GHRHR: variants seen among roughly 807,000 people sequenced by gnomAD.
The protein encoded by GHRHR is growth hormone-releasing hormone receptor.
Under a neutral mutation model 58.3 loss-of-function variants are expected in GHRHR, and 40 were observed. The ratio of observed to expected loss-of-function variants is 0.69; its 90% CI spans 0.53 to 0.89. The LOEUF (loss-of-function observed/expected upper bound fraction) is 0.89. Among genes scored for constraint, GHRHR ranks in the 40% least tolerant of loss-of-function variants. The probability of loss-of-function intolerance (pLI) is 0.00; values close to 1 mark genes in which losing one functional copy is unlikely to be tolerated. For missense variants in GHRHR, 551 were observed against 541.3 expected (o/e 1.02, Z -0.18); for synonymous variants, 249 against 216.6 (o/e 1.15, Z -1.31).
Position 30,971,979 on chromosome 7 carries a change from C to G in GHRHR, c.481C>G (p.Arg161Gly), listed in dbSNP as rs758798716. The G allele has an allele frequency of 6.2e-7, 1 of 1,613,920 alleles. No individual in the cohort carries two copies. Among genetic ancestry groups the G allele is most frequent in the East Asian group, 2.2e-5 (1 of 44,862 alleles). Residue 161 changes from arginine to glycine, a missense_variant, in exon 6 of 13, where the codon CGG becomes GGG. Arg to Gly is a moderately radical substitution (Grantham distance 125, BLOSUM62 -2). Coordinates refer to ENST00000326139, the MANE Select transcript of GHRHR (RefSeq NM_000823.4). ...TACCCCCAGGAGGCTCCACTGCCCCCGGAACTACGTCCACACCCAGCTGTT... is the reference window on the plus strand; with the variant it reads ...TACCCCCAGGAGGCTCCACTGCCCCGGGAACTACGTCCACACCCAGCTGTT... ...LVALRRLHCPRNYVHTQLFTT... is the reference protein window; with the variant it reads ...LVALRRLHCPGNYVHTQLFTT...
rs749923270 is a variant in GHRHR, at chr7:30,971,951, C to T, written c.465-12C>T. On this transcript the variant is annotated splice_polypyrimidine_tract_variant and intron_variant, in intron 5 of 12. Coordinates refer to ENST00000326139, the MANE Select transcript of GHRHR (RefSeq NM_000823.4). ...CTTGCTTCTTGTTCCTCATTTCTCC[C>T]ATTACCCCCAGGAGGCTCCACTGCC... 6.2e-7 allele frequency: 1 copy of T among 1,613,528 alleles called. No homozygotes were observed. The highest frequency in any genetic ancestry group is 1.7e-5 in the Admixed American group (1 of 60,014).
intron 1 of GHRHR, among the ~76,000 whole-genome samples, chr7:30,965,182 CCT>C (rs1282602079): frequency 6.6e-6 from 1 of 152,168 alleles, no homozygotes; most frequent in East Asian, 1.9e-4. Context: ...CGACTGCCCC[CCT>C]GTCTGCCATC....
At chr7:30,978,582 C>T (rs1792630050) in intron 12 of GHRHR, among the ~76,000 whole-genome samples, 1 of 152,186 alleles carries the variant, frequency 6.6e-6, no homozygotes, top group African/African-American at 2.4e-5. Flanking sequence ...CTGAAAGCCC[C>T]TTGGAGATGT....
At chr7:30,970,415 C>T (rs928582488) in intron 4 of GHRHR, among the ~76,000 whole-genome samples, 12 of 152,190 alleles carry the variant, frequency 7.9e-5, no homozygotes, top group East Asian at 3.9e-4. Flanking sequence ...GCCAGCACAC[C>T]GCACACTTGT....
intron 4 of GHRHR, 39 bp downstream of exon 4, chr7:30,970,003 G>A: frequency 3.4e-6 from 3 of 871,002 alleles, no homozygotes; most frequent in Middle Eastern, 4.3e-4. Context: ...GGACTGCCAT[G>A]GACATTTGTA....
chr7:30,970,876 A>T lies in GHRHR; in HGVS notation c.367-243A>T, dbSNP rs868867254. 10 of 573,132 alleles carry T rather than the reference A, an allele frequency of 1.7e-5. No individual in the cohort carries two copies. The African/African-American group carries it at 1.9e-4, about 11-fold the overall frequency. 35.5% of individuals were successfully genotyped at this position (573,132 alleles called of 1,614,324 possible). A position where few individuals can be genotyped will look rare whatever the true frequency, so the allele number is the denominator to read the frequency against. On this transcript the variant is annotated intron_variant, in intron 4 of 12. Transcript: ENST00000326139. ...CTCTCCTCACCCTCAGAGCATCATG[A>T]ATGTTAAGCATCTCCACTCCTCGCC...
Position 30,972,071 on chromosome 7 carries a change from C to T in GHRHR, c.573C>T (p.Asp191=), listed in dbSNP as rs1792492030. ...ATGCTGCCCTTTTCCACAGCGACGA[C>T]ACTGACCACTGCAGCTTCTCCACTG... ...LKDAALFHSD[D]TDHCSFSTVL... Residue 191 remains aspartate (D), a synonymous_variant, in exon 6 of 13, where the codon GAC becomes GAT. Coordinates refer to ENST00000326139, the MANE Select transcript of GHRHR (RefSeq NM_000823.4). 1.9e-6 allele frequency: 3 copies of T among 1,614,096 alleles called. No individual in the cohort carries two copies. The highest frequency in any genetic ancestry group is 2.5e-6 in the Non-Finnish European group (3 of 1,180,024).
intron 1 of GHRHR, among the ~76,000 whole-genome samples, chr7:30,968,182 C>G (rs1792396282): frequency 6.6e-6 from 1 of 152,160 alleles, no homozygotes; most frequent in Non-Finnish European, 1.5e-5. Context: ...ATCACATCTG[C>G]AAAGTCCTTT....
chr7:30,971,863 T>G lies in GHRHR; in HGVS notation c.465-100T>G, dbSNP rs143125885. The G allele has an allele frequency of 3.3e-4, 352 of 1,072,970 alleles. 2 individuals are homozygous for G. The African/African-American group carries it at 5.0e-3, about 15-fold the overall frequency. The allele number at this position is 1,072,970 out of a possible 1,614,324, so 66.5% of individuals were successfully genotyped here. On this transcript the variant is annotated intron_variant, in intron 5 of 12. Coordinates refer to ENST00000326139, the MANE Select transcript of GHRHR (RefSeq NM_000823.4). ...CAATTCAGTTTGATTGCATCCAGTTTGATTCGATTCACCTCCTGCCCTGTT... is the reference window on the plus strand; with the variant it reads ...CAATTCAGTTTGATTGCATCCAGTTGGATTCGATTCACCTCCTGCCCTGTT...
chr7:30,975,987 C>A, intron 10 of GHRHR, 119 bp downstream of exon 10: 1 of 725,292 alleles, frequency 1.4e-6, no homozygotes, highest in Non-Finnish European at 2.5e-6. Flanking sequence ...TCCCTATGTT[C>A]CCAGAGACAG....
In GHRHR at chr7:30,979,354, G is replaced by T; in HGVS notation, c.*110G>T. 1 of 1,095,630 alleles carries T rather than the reference G, an allele frequency of 9.1e-7. No homozygotes were observed. 67.9% of individuals were successfully genotyped at this position (1,095,630 alleles called of 1,614,324 possible). ...ACATCCCCACCCCAGCTGTTACCCA[G>T]CCCGGGGCAGGTGCAGCCCTTCCTC... On this transcript the variant is annotated 3_prime_UTR_variant, in exon 13 of 13. Transcript: ENST00000326139.
Position 30,979,210 on chromosome 7 carries a change from G to C in GHRHR, c.1238G>C (p.Arg413Pro). Residue 413 changes from arginine (R) to proline (P), a missense_variant, in exon 13 of 13, where the codon CGC (arginine) becomes CCC (proline). Coordinates refer to ENST00000326139, the MANE Select transcript of GHRHR (RefSeq NM_000823.4). ...CGTGCTAAGTGGACCACGCCTTCCC[G>C]CTCGGCGGCAAAGGTGCTGACATCT... ...RTRAKWTTPSRSAAKVLTSMC is the reference protein window; with the variant it reads ...RTRAKWTTPSPSAAKVLTSMC 1.2e-6 allele frequency: 2 copies of C among 1,613,986 alleles called. No individual in the cohort carries two copies. The highest frequency in any genetic ancestry group is 2.7e-5 in the African/African-American group (2 of 75,066).
At position 30,973,984 on chromosome 7, in the gene GHRHR, G is replaced by T; in HGVS notation, c.598-1G>T. 6.2e-7 allele frequency: 1 copy of T among 1,613,412 alleles called. No individual in the cohort carries two copies. On this transcript the variant is annotated splice_acceptor_variant, in intron 6 of 12. Coordinates refer to ENST00000326139, the MANE Select transcript of GHRHR (RefSeq NM_000823.4). LOFTEE classifies it high-confidence loss of function. ...TGAAGCACCCAGGTCCTGGCCCCCA[G>T]GTTCTATGCAAGGTCTCTGTGGCCG...
At chr7:30,971,791 C>T (rs1046831081) in intron 5 of GHRHR, among the ~76,000 whole-genome samples, 172 bp from the exon 6 acceptor site, 3 of 152,198 alleles carry the variant, frequency 2.0e-5, no homozygotes, top group East Asian at 1.9e-4. Context: ...AATGGTTGCT[C>T]AGCTGTCCTG....
chr7:30,974,368 G>A (rs1373015221), intron 7 of GHRHR, 61 bp from the exon 8 acceptor site: 9 of 1,289,052 alleles, frequency 7.0e-6, no homozygotes, highest in South Asian at 1.2e-5. Flanking sequence ...GGGAGGTGGC[G>A]CCAGATCTCA....
chr7:30,967,561 C>T (rs995141925), intron 1 of GHRHR, among the ~76,000 whole-genome samples: 1 of 151,966 alleles, frequency 6.6e-6, no homozygotes, highest in East Asian at 1.9e-4. Flanking sequence ...AGCTCTCTCA[C>T]TCATCCACCA....
chr7:30,965,165 G>A (rs1174932690), intron 1 of GHRHR, among the ~76,000 whole-genome samples: 1 of 152,176 alleles, frequency 6.6e-6, no homozygotes, highest in Non-Finnish European at 1.5e-5. Context: ...TGCAACACAG[G>A]AAACTTCGAC....
At chr7:30,970,039 C>T (rs975812417) in intron 4 of GHRHR, 75 bp downstream of exon 4, 35 of 787,030 alleles carry the variant, frequency 4.4e-5, no homozygotes, top group African/African-American at 3.4e-4. Flanking sequence ...CTGTAGGGGC[C>T]GCCATTCTCT....
chr7:30,971,424 G>A (rs1488628386), intron 5 of GHRHR, among the ~76,000 whole-genome samples: 1 of 151,990 alleles, frequency 6.6e-6, no homozygotes, highest in East Asian at 1.9e-4. Context: ...TTGCTCACGT[G>A]GTGCTCATTC....
Sources: gnomAD v4.1 joint callset for allele counts (sites outside exome capture counted in the v4.1 genomes callset) on GRCh38, gnomAD v4.1.1 for gene constraint, MANE v1.5 for transcripts, NCBI Gene and HGNC (gene_info 2026-07-23, HGNC 2026-07-21) for gene names.